DENND1B: variants seen among roughly 807,000 people sequenced by gnomAD.
The protein encoded by DENND1B is DENN domain containing 1B.
In DENND1B, 59 loss-of-function variants were observed where a neutral mutation model predicts 90.1. The ratio of observed to expected loss-of-function variants is 0.65; its 90% confidence interval spans 0.53 to 0.81. The LOEUF (loss-of-function observed/expected upper bound fraction) is 0.81, where lower values mean the gene tolerates loss of function less well. Ranked by LOEUF, DENND1B falls within the 40% of genes least tolerant of loss-of-function variation. The pLI is 0.00. For synonymous variants in DENND1B, 337 were observed against 324.6 expected (o/e 1.04, Z -0.41); for missense variants, 862 against 912.6 (o/e 0.94, Z 0.71).
chr1:197,725,239 A>T (rs999029893), intron 2 of DENND1B, among the ~76,000 whole-genome samples: 1 of 152,142 alleles, frequency 6.6e-6, no homozygotes, highest in African/African-American at 2.4e-5. Context: ...TAAGTAGAAA[A>T]CTACATACAT....
intron 11 of DENND1B, among the ~76,000 whole-genome samples, chr1:197,615,380 C>A (rs1677553357): frequency 6.6e-6 from 1 of 150,976 alleles, no homozygotes. Context: ...TCTCCACAGT[C>A]CAACCCACAC....
At chr1:197,683,615 T>C (rs1345495073) in intron 3 of DENND1B, among the ~76,000 whole-genome samples, 1 of 152,104 alleles carries the variant, frequency 6.6e-6, no homozygotes, top group Non-Finnish European at 1.5e-5. Flanking sequence ...TTAAAAGATA[T>C]AAAAGCAGTA....
intron 15 of DENND1B, among the ~76,000 whole-genome samples, chr1:197,567,716 T>G (rs1456881767): frequency 2.0e-5 from 3 of 152,110 alleles, no homozygotes; most frequent in Non-Finnish European, 2.9e-5. Flanking sequence ...GCAAAAACCT[T>G]ATGATCACAT....
intron 16 of DENND1B, among the ~76,000 whole-genome samples, chr1:197,547,184 T>C (rs912393072): frequency 6.6e-6 from 1 of 152,054 alleles, no homozygotes; most frequent in Non-Finnish European, 1.5e-5. Context: ...CAGGGCACTG[T>C]TTGAGCCCAG....
intron 2 of DENND1B, among the ~76,000 whole-genome samples, chr1:197,740,186 AT>A (rs146561786): frequency 0.03 from 4,503 of 152,292 alleles, 236 homozygotes; most frequent in African/African-American, 0.1. Context: ...TTGTGCAGAT[AT>A]CTTGGGAAAG....
chr1:197,728,344 A>G (rs556098607), intron 2 of DENND1B, among the ~76,000 whole-genome samples: 94 of 152,366 alleles, frequency 6.2e-4, no homozygotes, highest in African/African-American at 2.2e-3. Flanking sequence ...ACTAAAAACA[A>G]GAACATAATA....
At position 197,734,617 on chromosome 1, in the gene DENND1B, A is replaced by T. The variant is rs556398850; in HGVS notation, c.83-19543T>A. On this transcript the variant is annotated intron_variant, in intron 2 of 22. Transcript: ENST00000620048. Reference sequence around the variant, plus strand: ...CTGCAATACATTACATTCGTAATTTAAAAAAAAAAACTTTGCAAAATAATC... The same window carrying T: ...CTGCAATACATTACATTCGTAATTTTAAAAAAAAAACTTTGCAAAATAATC... 289 of 739,758 alleles carry T rather than the reference A, an allele frequency of 3.9e-4. 4 individuals carry two copies. The South Asian group carries it at 0.014, about 35-fold the overall frequency. The allele number at this position is 739,758 out of a possible 1,614,324, so 45.8% of individuals were successfully genotyped here. A position where few individuals can be genotyped will look rare whatever the true frequency, so the allele number is the denominator to read the frequency against.
At chr1:197,752,791 C>T (rs1196451305) in intron 2 of DENND1B, among the ~76,000 whole-genome samples, 2 of 151,912 alleles carry the variant, frequency 1.3e-5, no homozygotes, top group Non-Finnish European at 1.5e-5. Flanking sequence ...TCCCCCTCCC[C>T]GACCCCACGA....
rs1257307290 is a variant in DENND1B at position 197,507,396 on chromosome 1, G to A, written c.*3064C>T. On this transcript the variant is annotated 3_prime_UTR_variant, in exon 23 of 23. Coordinates refer to ENST00000620048, the MANE Select transcript of DENND1B (RefSeq NM_001195215.2). ...ATGCTATGTTTTGGTGCTTTTCTAA[G>A]ACACATTAAAGTAGGTAATCATCAA... 6.6e-6 allele frequency: 1 copy of A among 151,012 alleles called. No individual in the cohort carries two copies. Among genetic ancestry groups the A allele is most frequent in the African/African-American group, 2.4e-5 (1 of 41,214 alleles). The allele number at this position is 151,012 out of a possible 1,614,324, so 9.4% of individuals were successfully genotyped here. A position where few individuals can be genotyped will look rare whatever the true frequency, so the allele number is the denominator to read the frequency against.
chr1:197,532,240 T>C (rs1413407569), intron 20 of DENND1B, among the ~76,000 whole-genome samples: 1 of 10,684 alleles, frequency 9.4e-5, no homozygotes, highest in African/African-American at 1.0e-4. Flanking sequence ...CATAAATGTC[T>C]TCTGAATAGA....
intron 20 of DENND1B, among the ~76,000 whole-genome samples, chr1:197,534,316 G>A (rs1253452042): frequency 6.6e-6 from 1 of 152,108 alleles, no homozygotes; most frequent in Non-Finnish European, 1.5e-5. Flanking sequence ...TTTGAGAGAG[G>A]TATTAATGAG....
chr1:197,536,125 G>GGAGA (rs71131773), intron 20 of DENND1B, among the ~76,000 whole-genome samples: 23,954 of 142,732 alleles, frequency 0.17, 2,292 homozygotes, highest in Middle Eastern at 0.33. Flanking sequence ...AGGGAGAGAG[G>GGAGA]GAGAGAGAGA....
In DENND1B at chr1:197,715,068, A is replaced by G. The variant is rs753013789; in HGVS notation, c.89T>C (p.Val30Ala). ...KCHASENEDPVVLWKFPEDFG... is the reference protein window; with the variant it reads ...KCHASENEDPAVLWKFPEDFG... ...GTCCTCTGGGAATTTCCACAATACC[A>G]CAGGATCTGTAAATAATTGACATGT... is the stretch of plus-strand genomic sequence containing the variant. Residue 30 changes from valine (V) to alanine (A), a missense_variant, in exon 3 of 23, where the codon GTG becomes GCG. Physicochemically the swap from Val to Ala is moderately conservative, Grantham distance 64. Coordinates refer to ENST00000620048, the MANE Select transcript of DENND1B (RefSeq NM_001195215.2). The G allele has an allele frequency of 6.8e-6, 11 of 1,611,202 alleles. No individual in the cohort carries two copies. The highest frequency in any genetic ancestry group is 8.5e-6 in the Non-Finnish European group (10 of 1,178,240).
chr1:197,564,582 T>C (rs1345358606), intron 15 of DENND1B, among the ~76,000 whole-genome samples: 3 of 152,068 alleles, frequency 2.0e-5, no homozygotes, highest in South Asian at 4.2e-4. Context: ...CAAAAAACTT[T>C]GTGTAATTCA....
chr1:197,691,539 T>C (rs183652176), intron 3 of DENND1B, among the ~76,000 whole-genome samples: 148 of 152,124 alleles, frequency 9.7e-4, no homozygotes, highest in African/African-American at 3.4e-3. Context: ...CTACAGCAGC[T>C]ATGGAAAACA....
intron 20 of DENND1B, among the ~76,000 whole-genome samples, chr1:197,516,676 A>G (rs1444510606): frequency 6.6e-6 from 1 of 151,702 alleles, no homozygotes; most frequent in East Asian, 1.9e-4. Context: ...AAATGGTAGT[A>G]AGTAAGTTTA....
rs1034586041 is a variant in DENND1B, at chr1:197,510,651, C to T, written c.2137G>A (p.Asp713Asn). Residue 713 changes from aspartate to asparagine, a missense_variant, in exon 23 of 23, where the codon GAT (aspartate) becomes AAT (asparagine). By Grantham distance (23) the Asp-to-Asn change is conservative (BLOSUM62 1). Transcript: ENST00000620048. ...CGCCCAAGACCGGGTATAAGCAGATCATCTGAAATCTGGCTTAGTGTTTCC... is the reference window on the plus strand; with the variant it reads ...CGCCCAAGACCGGGTATAAGCAGATTATCTGAAATCTGGCTTAGTGTTTCC... The part of the protein sequence containing the change: ...KRETLSQISD[D>N]LLIPGLGRHS... 4.3e-6 allele frequency: 7 copies of T among 1,612,828 alleles called. No homozygotes were observed. The highest frequency in any genetic ancestry group is 5.9e-6 in the Non-Finnish European group (7 of 1,179,246).
At chr1:197,750,895 T>G (rs535232473) in intron 2 of DENND1B, among the ~76,000 whole-genome samples, 2 of 152,262 alleles carry the variant, frequency 1.3e-5, no homozygotes, top group South Asian at 4.1e-4. Flanking sequence ...GAAGACATAA[T>G]AGTTGTAAAT....
In DENND1B at chr1:197,546,630, A is replaced by C. The variant is rs561843756; in HGVS notation, c.1281+103T>G. The C allele has an allele frequency of 3.9e-4, 384 of 997,274 alleles. 5 individuals carry two copies. The highest frequency in any genetic ancestry group is 2.8e-3 in the Middle Eastern group (12 of 4,262). 61.8% of individuals were successfully genotyped at this position (997,274 alleles called of 1,614,324 possible). On this transcript the variant is annotated intron_variant, in intron 17 of 22. Coordinates refer to ENST00000620048, the MANE Select transcript of DENND1B (RefSeq NM_001195215.2). ...ATGTGACAAAATATACAAACATTTC[A>C]AATATTTCAAATAAACAGCATAAGT...
Sources: allele counts gnomAD v4.1 joint callset (sites outside exome capture counted in the v4.1 genomes callset), GRCh38; gene constraint gnomAD v4.1.1; transcripts MANE v1.5; gene names NCBI Gene and HGNC (gene_info 2026-07-23, HGNC 2026-07-21).